Variants in BLVRB observed in about 807,000 individuals in gnomAD.
BLVRB encodes biliverdin reductase B, also known as flavin reductase (NADPH).
Under a neutral mutation model 21.1 loss-of-function variants are expected in BLVRB, and 25 were observed. The ratio of observed to expected loss-of-function variants is 1.19; its 90% CI spans 0.86 to 1.66. BLVRB has a LOEUF of 1.66. BLVRB is among the 40% of genes most tolerant of loss of function. The pLI, the probability that BLVRB is intolerant of heterozygous loss-of-function variation, is 0.00. For synonymous variants in BLVRB, 128 were observed against 122.2 expected (o/e 1.05, Z -0.31); for missense variants, 274 against 282.7 (o/e 0.97, Z 0.22).
At chr19:40,455,595 G>A (rs965581471) in intron 3 of BLVRB, among the ~76,000 whole-genome samples, 35 of 152,178 alleles carry the variant, frequency 2.3e-4, no homozygotes, top group African/African-American at 8.2e-4. Flanking sequence ...CTACTCAGGA[G>A]GCTGAGGCAG....
chr19:40,465,229 C>T (rs1359402485), intron 1 of BLVRB, among the ~76,000 whole-genome samples: 1 of 152,198 alleles, frequency 6.6e-6, no homozygotes, highest in East Asian at 1.9e-4. Context: ...GTTCCCACCC[C>T]ATTTTGAAAG....
intron 1 of BLVRB, among the ~76,000 whole-genome samples, chr19:40,462,795 A>T (rs2145784009): frequency 6.7e-6 from 1 of 149,732 alleles, no homozygotes; most frequent in Non-Finnish European, 1.5e-5. Flanking sequence ...TGGGAGGCTG[A>T]AGCAGGAGAA....
chr19:40,453,580 A>G (rs188889505), intron 3 of BLVRB, among the ~76,000 whole-genome samples: 371 of 152,350 alleles, frequency 2.4e-3, no homozygotes, highest in Non-Finnish European at 3.9e-3. Context: ...GAACTATGCT[A>G]AATATTTTTA....
In BLVRB at chr19:40,447,805, TG is replaced by T; in HGVS notation, c.*83del. Reference sequence around the variant, plus strand: ...CACAGTCGGTTTCTCTAGAGTAATTTGAAGCTCTTGGCTCAACATTTATTGC... The same window carrying T: ...CACAGTCGGTTTCTCTAGAGTAATTTAAGCTCTTGGCTCAACATTTATTGC... On this transcript the variant is annotated 3_prime_UTR_variant, in exon 5 of 5. Coordinates refer to ENST00000263368, the MANE Select transcript of BLVRB (RefSeq NM_000713.3). 1 of 1,486,292 alleles carries T rather than the reference TG, an allele frequency of 6.7e-7. No individual in the cohort carries two copies. The highest frequency in any genetic ancestry group is 9.2e-7 in the Non-Finnish European group (1 of 1,090,612). 92.1% of individuals were successfully genotyped at this position (1,486,292 alleles called of 1,614,324 possible).
rs751696189 is a variant in BLVRB, at chr19:40,459,327, C to CAAAAAAAAAAAAAAA, written c.80-797_80-783dup. 2.3e-4 allele frequency among the ~76,000 whole-genome samples: 8 copies of CAAAAAAAAAAAAAAA among 34,428 alleles called. 3 individuals are homozygous for CAAAAAAAAAAAAAAA. The highest frequency in any genetic ancestry group is 3.7e-4 in the Non-Finnish European group (7 of 18,952). The allele number at this position is 34,428 out of a possible 152,430, so 22.6% of individuals were successfully genotyped here. ...TGGATGACAAAGCGAGACTCTATCTCAAAAAAAAAAAAAAAAAAAAAAAAA... is the reference window on the plus strand; with the variant it reads ...TGGATGACAAAGCGAGACTCTATCTCAAAAAAAAAAAAAAAAAAAAAAAAAAAAAAAAAAAAAAAA... On this transcript the variant is annotated intron_variant, in intron 1 of 4. Transcript: ENST00000263368.
chr19:40,452,895 C>A (rs7257546), intron 3 of BLVRB, among the ~76,000 whole-genome samples: 2,783 of 44,894 alleles, frequency 0.062, 51 homozygotes, highest in African/African-American at 0.17. Context: ...CAAAACAAAA[C>A]AAAAAAAACA....
chr19:40,462,858 C>T (rs2079794231), intron 1 of BLVRB, among the ~76,000 whole-genome samples: 1 of 133,542 alleles, frequency 7.5e-6, no homozygotes, highest in South Asian at 2.4e-4. Context: ...TGCCACTGCA[C>T]TCCAGCCTGG....
At chr19:40,462,954 C>G (rs572941108) in intron 1 of BLVRB, among the ~76,000 whole-genome samples, 10 of 149,526 alleles carry the variant, frequency 6.7e-5, no homozygotes, top group African/African-American at 2.2e-4. Context: ...ATTGCCTAAC[C>G]TGGTGTACAC....
At chr19:40,461,289 C>G (rs1473870601) in intron 1 of BLVRB, among the ~76,000 whole-genome samples, 3 of 152,166 alleles carry the variant, frequency 2.0e-5, no homozygotes, top group African/African-American at 7.2e-5. Flanking sequence ...TGGACCCAGT[C>G]CTGCCCTCTC....
chr19:40,457,214 G>A (rs2079765748), intron 3 of BLVRB, among the ~76,000 whole-genome samples: 1 of 151,322 alleles, frequency 6.6e-6, no homozygotes, highest in Non-Finnish European at 1.5e-5. Flanking sequence ...GTTTACTCGT[G>A]TATTACTTTT....
intron 3 of BLVRB, among the ~76,000 whole-genome samples, chr19:40,453,263 A>G (rs1568737470): frequency 6.6e-6 from 1 of 151,956 alleles, no homozygotes; most frequent in Non-Finnish European, 1.5e-5. Flanking sequence ...ACTTTGCTCA[A>G]AGGTCACCTT....
At position 40,451,399 on chromosome 19, in the gene BLVRB, C is replaced by G; in HGVS notation, c.428G>C (p.Gly143Ala). ...CGGCATCACAGCCACGTACTTCAGG[C>G]CTGATTCCCGCAGCACCTTGTGCAT... is the stretch of plus-strand genomic sequence containing the variant. ...IRMHKVLRES[G>A]LKYVAVMPPH... The change falls in exon 4 of 5, where the codon GGC becomes GCC. Residue 143 changes from glycine to alanine, a missense_variant. By Grantham distance (60) the Gly-to-Ala change is moderately conservative (BLOSUM62 0). Coordinates refer to ENST00000263368, the MANE Select transcript of BLVRB (RefSeq NM_000713.3). 1 of 1,610,436 alleles carries G rather than the reference C, an allele frequency of 6.2e-7. No homozygotes were observed. Among genetic ancestry groups the G allele is most frequent in the Non-Finnish European group, 8.5e-7 (1 of 1,178,630 alleles).
intron 1 of BLVRB, among the ~76,000 whole-genome samples, chr19:40,461,748 C>G (rs2079788708): frequency 6.6e-6 from 1 of 152,142 alleles, no homozygotes; most frequent in Admixed American, 6.6e-5. Context: ...GATCCACCTG[C>G]CTCAGCCCCC....
intron 1 of BLVRB, among the ~76,000 whole-genome samples, chr19:40,462,539 A>G (rs2079792399): frequency 6.7e-6 from 1 of 149,628 alleles, no homozygotes; most frequent in East Asian, 2.0e-4. Flanking sequence ...TGGCCTCCCA[A>G]AGTGCTGGGA....
At chr19:40,461,102 C>T (rs946426394) in intron 1 of BLVRB, among the ~76,000 whole-genome samples, 11 of 152,104 alleles carry the variant, frequency 7.2e-5, no homozygotes, top group African/African-American at 7.2e-5. Context: ...AGGCTGGTCT[C>T]GAACTCCTGG....
intron 2 of BLVRB, 36 bp from the exon 3 acceptor site, chr19:40,458,280 C>T (rs771047106): frequency 1.1e-4 from 108 of 953,424 alleles, no homozygotes; most frequent in Non-Finnish European, 1.4e-4. Context: ...CACTGGTGGG[C>T]GGCGGCGGCG....
intron 4 of BLVRB, 144 bp from the exon 5 acceptor site, chr19:40,448,190 C>T: frequency 1.3e-6 from 1 of 785,994 alleles, no homozygotes; most frequent in Non-Finnish European, 2.0e-6. Flanking sequence ...TTTCCATATG[C>T]AGGTGCTCAT....
chr19:40,456,023 TTAAAAA>T (rs371346507), intron 3 of BLVRB, among the ~76,000 whole-genome samples: 270 of 152,048 alleles, frequency 1.8e-3, no homozygotes, highest in African/African-American at 6.1e-3. Flanking sequence ...AGCTACAAAC[TTAAAAA>T]TAAAAAAAGA....
intron 3 of BLVRB, 90 bp downstream of exon 3, chr19:40,458,065 G>T (rs80097888): frequency 8.0e-7 from 1 of 1,250,364 alleles, no homozygotes; most frequent in African/African-American, 1.5e-5. Context: ...CAGTAACATG[G>T]AATGGCTTCA....
Sources: allele counts gnomAD v4.1 joint callset (sites outside exome capture counted in the v4.1 genomes callset), GRCh38; gene constraint gnomAD v4.1.1; transcripts MANE v1.5; gene names NCBI Gene and HGNC (gene_info 2026-07-23, HGNC 2026-07-21).